The following FANCM variants were observed in gnomAD, a reference collection of about 807,000 sequenced individuals.
FANCM encodes the protein Fanconi anemia group M protein.
A neutral mutation model predicts 199.5 loss-of-function variants in FANCM; 140 were observed. The ratio of observed to expected loss-of-function variants is 0.70; its 90% CI spans 0.61 to 0.81. The LOEUF is 0.81. Ranked by LOEUF, FANCM falls within the 30% of genes least tolerant of loss-of-function variation. The probability of loss-of-function intolerance (pLI) is 0.00; values close to 1 mark genes in which losing one functional copy is unlikely to be tolerated. For missense variants in FANCM, 2,410 were observed against 2,421.4 expected, an observed-to-expected ratio of 1.00 and a Z score of 0.10; for synonymous variants, 840 against 836.8, an observed-to-expected ratio of 1.00 and a Z score of -0.07.
In FANCM at chr14:45,176,049, C is replaced by G; in HGVS notation, c.3295C>G (p.Arg1099Gly). Reference protein sequence around the residue: ...NQNENLVPNNRVQIHRSPAQN... With the variant: ...NQNENLVPNNGVQIHRSPAQN... ...AAATGAAAATTTAGTACCTAACAAT[C>G]GTGTTCAAATACACAGAAGCCCTGC... is the stretch of plus-strand genomic sequence containing the variant. Residue 1099 changes from arginine to glycine, a missense_variant, in exon 14 of 23, where the codon CGT becomes GGT. Physicochemically the swap from Arg to Gly is moderately radical, Grantham distance 125. Coordinates refer to ENST00000267430, the MANE Select transcript of FANCM (RefSeq NM_020937.4). 1 of 1,613,928 alleles carries G rather than the reference C, an allele frequency of 6.2e-7. No individual in the cohort carries two copies. The highest frequency in any genetic ancestry group is 8.5e-7 in the Non-Finnish European group (1 of 1,179,882).
intron 9 of FANCM, among the ~76,000 whole-genome samples, chr14:45,161,021 A>G (rs1887568081): frequency 6.6e-6 from 1 of 152,166 alleles, no homozygotes; most frequent in Admixed American, 6.5e-5. Flanking sequence ...ATATGTATGA[A>G]TGAAAAATGA....
chr14:45,146,635 C>T (rs1423317729), intron 3 of FANCM, among the ~76,000 whole-genome samples: 1 of 151,762 alleles, frequency 6.6e-6, no homozygotes, highest in East Asian at 1.9e-4. Flanking sequence ...TCGAAACCAT[C>T]CTGGCCAACA....
chr14:45,199,902 T>C lies in FANCM; in HGVS notation c.6041T>C (p.Val2014Ala), dbSNP rs374376462. The change falls in exon 23 of 23, where the codon GTA (valine) becomes GCA (alanine). Residue 2014 changes from valine (V) to alanine (A), a missense_variant. By Grantham distance (64) the Val-to-Ala change is moderately conservative (BLOSUM62 0). Coordinates refer to ENST00000267430, the MANE Select transcript of FANCM (RefSeq NM_020937.4). The stretch of plus-strand genomic sequence containing the variant: ...CAAGAAATCTCCATGTATGCACAAG[T>C]AACTCATCAGAAGGCTGAGGAGATC... Reference protein sequence around the residue: ...SLQEISMYAQVTHQKAEEIYR... With the variant: ...SLQEISMYAQATHQKAEEIYR... 3.2e-5 allele frequency: 52 copies of C among 1,610,930 alleles called. No homozygotes were observed. Among genetic ancestry groups the C allele is most frequent in the African/African-American group, 4.0e-5 (3 of 74,980 alleles).
intron 3 of FANCM, among the ~76,000 whole-genome samples, chr14:45,141,414 A>C (rs1183841842): frequency 6.6e-6 from 1 of 151,600 alleles, no homozygotes; most frequent in Non-Finnish European, 1.5e-5. Context: ...TAACATGAGA[A>C]CTACAACATT....
chr14:45,175,381 A>G lies in FANCM; in HGVS notation c.2627A>G (p.Asp876Gly). 1 of 1,561,778 alleles carries G rather than the reference A, an allele frequency of 6.4e-7. No homozygotes were observed. The highest frequency in any genetic ancestry group is 8.7e-7 in the Non-Finnish European group (1 of 1,148,846). The part of the protein sequence containing the change: ...LKKENNHGII[D>G]SVDNDRNSTV... ...AAAGAAAATAATCACGGTATTATAG[A>G]TTCTGTAGATAATGACAGAAATTCC... The change falls in exon 14 of 23, where the codon GAT becomes GGT. Residue 876 changes from aspartate to glycine, a missense_variant. Asp to Gly is a moderately conservative substitution (Grantham distance 94, BLOSUM62 -1). Coordinates refer to ENST00000267430, the MANE Select transcript of FANCM (RefSeq NM_020937.4).
Position 45,176,067 on chromosome 14 carries a change from A to G in FANCM, c.3313A>G (p.Ser1105Gly), listed in dbSNP as rs777264888. ...VPNNRVQIHR[S>G]PAQNLVGENN... ...TAACAATCGTGTTCAAATACACAGA[A>G]GCCCTGCACAGAATTTAGTTGGAGA... Residue 1105 changes from serine (S) to glycine (G), a missense_variant, in exon 14 of 23, where the codon AGC (serine) becomes GGC (glycine). Physicochemically the swap from Ser to Gly is moderately conservative, Grantham distance 56 (BLOSUM62 0). Coordinates refer to ENST00000267430, the MANE Select transcript of FANCM (RefSeq NM_020937.4). The G allele has an allele frequency of 4.3e-6, 7 of 1,614,018 alleles. No individual in the cohort carries two copies. Among genetic ancestry groups the G allele is most frequent in the Non-Finnish European group, 5.1e-6 (6 of 1,179,990 alleles).
At chr14:45,181,897 C>T (rs181796072) in intron 16 of FANCM, among the ~76,000 whole-genome samples, 192 bp downstream of exon 16, 3 of 152,212 alleles carry the variant, frequency 2.0e-5, no homozygotes, top group Admixed American at 1.3e-4. Flanking sequence ...TTCCTAAGCA[C>T]AATAAATAAA....
chr14:45,160,178 G>A (rs899251592), intron 9 of FANCM, among the ~76,000 whole-genome samples: 5 of 151,288 alleles, frequency 3.3e-5, no homozygotes, highest in Admixed American at 1.3e-4. Context: ...ATTTTTAGTA[G>A]AGATGGGGTT....
In FANCM at chr14:45,175,188, C is replaced by A. The variant is rs773056258; in HGVS notation, c.2434C>A (p.His812Asn). The part of the protein sequence containing the change: ...NNLASDTFIT[H>N]KKSSFIKNIN... Reference sequence around the variant, plus strand: ...TCTTGCCAGTGACACCTTTATCACTCACAAGAAATCGTCATTTATAAAGAA... The same window carrying A: ...TCTTGCCAGTGACACCTTTATCACTAACAAGAAATCGTCATTTATAAAGAA... The change falls in exon 14 of 23, where the codon CAC (histidine) becomes AAC (asparagine). Residue 812 changes from histidine (H) to asparagine (N), a missense_variant. Coordinates refer to ENST00000267430, the MANE Select transcript of FANCM (RefSeq NM_020937.4). 6.2e-7 allele frequency: 1 copy of A among 1,609,322 alleles called. No individual in the cohort carries two copies. Among genetic ancestry groups the A allele is most frequent in the Non-Finnish European group, 8.5e-7 (1 of 1,176,244 alleles).
chr14:45,152,475 G>A (rs144487505), intron 5 of FANCM, among the ~76,000 whole-genome samples: 2 of 152,276 alleles, frequency 1.3e-5, no homozygotes, highest in South Asian at 2.1e-4. Context: ...TTTGAAGGAA[G>A]CATCACAGCA....
At position 45,188,969 on chromosome 14, in the gene FANCM, A is replaced by G. The variant is rs1889584993; in HGVS notation, c.4947A>G (p.Leu1649=). The change falls in exon 20 of 23, where the codon CTA becomes CTG. Residue 1649 remains leucine, a synonymous_variant. Transcript: ENST00000267430. ...KKYKTRRAVM[L]KEMMEQNCAH... ...ATAAAACTCGACGTGCAGTAATGCT[A>G]AAAGAAATGATGGAACAAAATTGTG... 1.2e-6 allele frequency: 2 copies of G among 1,614,070 alleles called. No individual in the cohort carries two copies. The highest frequency in any genetic ancestry group is 1.1e-5 in the South Asian group (1 of 91,064).
intron 18 of FANCM, 41 bp from the exon 19 acceptor site, chr14:45,187,740 A>C (rs1889495133): frequency 1.1e-6 from 1 of 938,600 alleles, no homozygotes. Context: ...TTTTCATTTA[A>C]ATAATTTTGC....
At chr14:45,179,035 C>T (rs918737079) in intron 14 of FANCM, among the ~76,000 whole-genome samples, 3 of 151,906 alleles carry the variant, frequency 2.0e-5, no homozygotes, top group African/African-American at 7.3e-5. Flanking sequence ...CCCGTCTCTA[C>T]TGAAAATACA....
intron 12 of FANCM, among the ~76,000 whole-genome samples, chr14:45,171,250 G>C (rs954206898): frequency 1.3e-5 from 2 of 151,718 alleles, no homozygotes; most frequent in African/African-American, 4.8e-5. Context: ...GGGACTATAA[G>C]TGTACACCAC....
intron 20 of FANCM, among the ~76,000 whole-genome samples, chr14:45,193,568 A>C (rs909767347): frequency 2.0e-5 from 3 of 152,200 alleles, no homozygotes; most frequent in Admixed American, 2.0e-4. Flanking sequence ...TTCGTTAATG[A>C]TATAAAAGTC....
chr14:45,179,561 C>CTTTTTTTTT (rs36031280), intron 14 of FANCM, among the ~76,000 whole-genome samples: 5 of 95,508 alleles, frequency 5.2e-5, no homozygotes, highest in South Asian at 3.3e-4. Context: ...TTCTTTCTTT[C>CTTTTTTTTT]TTTTTTTTTT....
At chr14:45,148,757 G>C in intron 3 of FANCM, 80 bp from the exon 4 acceptor site, 1 of 882,098 alleles carries the variant, frequency 1.1e-6, no homozygotes. Context: ...AAATTTTACT[G>C]CTATTTTATT....
In FANCM at chr14:45,170,580, A is replaced by T; in HGVS notation, c.2003-9A>T. 6.3e-7 allele frequency: 1 copy of T among 1,581,654 alleles called. No homozygotes were observed. Among genetic ancestry groups the T allele is most frequent in the Non-Finnish European group, 8.7e-7 (1 of 1,152,922 alleles). Reference sequence around the variant, plus strand: ...AAAGTCTCTTTTCCATTATTTTTTCAACTTATAGGAATGAGGCAAAGTAGC... The same window carrying T: ...AAAGTCTCTTTTCCATTATTTTTTCTACTTATAGGAATGAGGCAAAGTAGC... On this transcript the variant is annotated splice_polypyrimidine_tract_variant and intron_variant, in intron 11 of 22. Coordinates refer to ENST00000267430, the MANE Select transcript of FANCM (RefSeq NM_020937.4).
At position 45,183,655 on chromosome 14, in the gene FANCM, A is replaced by AGTATTTATAACATTAATATTAT. The variant is rs982852762; in HGVS notation, c.4387-105_4387-84dup. The AGTATTTATAACATTAATATTAT allele has an allele frequency of 4.6e-6, 3 of 653,090 alleles. No homozygotes were observed. The African/African-American group carries it at 5.5e-5, about 12-fold the overall frequency. 40.5% of individuals were successfully genotyped at this position (653,090 alleles called of 1,614,324 possible). ...TAAGTTATTTACTTTTACATTCTTA[A>AGTATTTATAACATTAATATTAT]GTATTTATAACATTAATATTATGTA... On this transcript the variant is annotated intron_variant, in intron 16 of 22. Transcript: ENST00000267430.
Sources: allele counts gnomAD v4.1 joint callset (sites outside exome capture counted in the v4.1 genomes callset), GRCh38; gene constraint gnomAD v4.1.1; transcripts MANE v1.5; gene names NCBI Gene and HGNC (gene_info 2026-07-23, HGNC 2026-07-21).